Variants in NRIP3 observed in about 807,000 individuals in gnomAD.
The protein encoded by NRIP3 is nuclear receptor interacting protein 3.
NRIP3 carries 31 observed loss-of-function variants against 29.0 expected under a neutral mutation model. That is an observed-to-expected ratio of 1.07 (90% CI 0.80 to 1.44). The LOEUF is 1.44. Ranked by LOEUF, NRIP3 falls within the 40% of genes most tolerant of loss-of-function variation. NRIP3 has a pLI of 0.00. For synonymous variants in NRIP3, 131 were observed against 118.3 expected (o/e 1.11, Z -0.70); for missense variants, 314 against 297.9 (o/e 1.05, Z -0.40).
At chr11:8,996,390 TCTCAC>T (rs1174373378) in intron 1 of NRIP3, among the ~76,000 whole-genome samples, 1 of 148,750 alleles carries the variant, frequency 6.7e-6, no homozygotes, top group Non-Finnish European at 1.5e-5. Context: ...CAAGCAATTC[TCTCAC>T]CTCAGCCTCT....
chr11:8,993,301 T>C (rs543809222), intron 1 of NRIP3, among the ~76,000 whole-genome samples: 1 of 152,338 alleles, frequency 6.6e-6, no homozygotes, highest in African/African-American at 2.4e-5. Context: ...AAACTTTTTT[T>C]AAACACCAAG....
At chr11:9,004,382 A>G (rs1208890645), upstream of NRIP3, 1 of 153,718 alleles carries the variant, frequency 6.5e-6, no homozygotes, top group Admixed American at 6.5e-5. Context: ...GGGATCACCG[A>G]CAGCCGGGCC....
At chr11:9,002,596 T>TAAAAAAAAAAAAAAAAAAAAAAA (rs10701323) in intron 1 of NRIP3, among the ~76,000 whole-genome samples, 1 of 101,244 alleles carries the variant, frequency 9.9e-6, no homozygotes, top group Non-Finnish European at 1.8e-5. Flanking sequence ...GCTGTTAAAT[T>TAAAAAAAAAAAAAAAAAAAAAAA]AAAAAAAAAA....
chr11:8,997,864 T>G (rs1316134953), intron 1 of NRIP3, among the ~76,000 whole-genome samples: 1 of 152,190 alleles, frequency 6.6e-6, no homozygotes, highest in Non-Finnish European at 1.5e-5. Flanking sequence ...AACTAATGGA[T>G]TTCTGTGGTC....
chr11:8,993,808 C>CA lies in NRIP3; in HGVS notation c.175-5527dup, dbSNP rs35171191. Among the ~76,000 whole-genome samples the CA allele has an allele frequency of 2.7e-3, 250 of 92,200 alleles. 2 individuals carry two copies. Among genetic ancestry groups the CA allele is most frequent in the Middle Eastern group, 5.3e-3 (1 of 190 alleles). The allele number at this position is 92,200 out of a possible 152,430, so 60.5% of individuals were successfully genotyped here. On this transcript the variant is annotated intron_variant, in intron 1 of 6. Transcript: ENST00000309166. ...TGGGCAACAAAGCGAGACCCTGCCT[C>CA]AAAAAAAAAAAAAAAAAAAAAGTAA...
chr11:8,988,217 G>A lies in NRIP3; in HGVS notation c.240C>T (p.Pro80=). 6.2e-7 allele frequency: 1 copy of A among 1,614,168 alleles called. No individual in the cohort carries two copies. The highest frequency in any genetic ancestry group is 8.5e-7 in the Non-Finnish European group (1 of 1,180,014). The change falls in exon 2 of 7, where the codon CCC becomes CCT. Residue 80 remains proline (P), a synonymous_variant. Transcript: ENST00000309166. Reference sequence around the variant, plus strand: ...TCGTCTTAGAGGCCCAAGGGACACGGGGACCGCTTCGGAGCTTAGACAGGT... The same window carrying A: ...TCGTCTTAGAGGCCCAAGGGACACGAGGACCGCTTCGGAGCTTAGACAGGT... The part of the protein sequence containing the change: ...ETNLSKLRSG[P]RVPWASKTNK...
At chr11:9,002,913 T>C (rs10769981) in intron 1 of NRIP3, among the ~76,000 whole-genome samples, 50,656 of 152,110 alleles carry the variant, frequency 0.33, 10,248 homozygotes, top group Non-Finnish European at 0.43. Context: ...CTACAGTGGC[T>C]GAGGGATGAC....
intron 6 of NRIP3, 105 bp downstream of exon 6, chr11:8,983,770 C>T (rs1854460468): frequency 1.9e-6 from 2 of 1,049,794 alleles, no homozygotes; most frequent in South Asian, 2.6e-5. Context: ...TAATTGAAAG[C>T]CAAAGACAGG....
chr11:8,987,423 G>A, intron 3 of NRIP3, 125 bp downstream of exon 3: 2 of 752,970 alleles, frequency 2.7e-6, no homozygotes, highest in Non-Finnish European at 4.8e-6. Context: ...TTCCAGCTGA[G>A]ATCTGAACTC....
At chr11:8,985,672 C>T in intron 4 of NRIP3, 39 bp downstream of exon 4, 1 of 1,601,394 alleles carries the variant, frequency 6.2e-7, no homozygotes, top group Non-Finnish European at 8.5e-7. Context: ...GAGAGGGTTT[C>T]CGTTAGGGTC....
intron 1 of NRIP3, among the ~76,000 whole-genome samples, chr11:8,994,370 T>G (rs1479429226): frequency 6.6e-6 from 1 of 152,212 alleles, no homozygotes; most frequent in Non-Finnish European, 1.5e-5. Context: ...AGAATTTAGC[T>G]TTTATAATCT....
intron 1 of NRIP3, among the ~76,000 whole-genome samples, chr11:8,993,327 G>A (rs1263981873): frequency 6.6e-6 from 1 of 152,104 alleles, no homozygotes; most frequent in Non-Finnish European, 1.5e-5. Flanking sequence ...TATTAATTTT[G>A]AGAAAAATGT....
At position 8,984,144 on chromosome 11, in the gene NRIP3, GA is replaced by G; in HGVS notation, c.563-21del. On this transcript the variant is annotated intron_variant, in intron 4 of 6. Coordinates refer to ENST00000309166, the MANE Select transcript of NRIP3 (RefSeq NM_020645.3). ...TGTCATCTAATAAAAACAAAAAAAT[GA>G]TTAAGATTTAGCCATTTCCATGCTT... The G allele has an allele frequency of 1.3e-6, 2 of 1,580,084 alleles. No individual in the cohort carries two copies. The highest frequency in any genetic ancestry group is 2.7e-5 in the African/African-American group (2 of 74,340).
At chr11:9,003,227 C>T (rs1163094936) in intron 1 of NRIP3, among the ~76,000 whole-genome samples, 1 of 152,118 alleles carries the variant, frequency 6.6e-6, no homozygotes, top group African/African-American at 2.4e-5. Context: ...TTTCTCTCTC[C>T]CCACTCAGGA....
chr11:8,983,763 T>C (rs1566134677), intron 6 of NRIP3, 112 bp downstream of exon 6: 4 of 1,015,222 alleles, frequency 3.9e-6, no homozygotes, highest in Admixed American at 3.6e-5. Context: ...TGTAGTATAA[T>C]TGAAAGCCAA....
intron 1 of NRIP3, among the ~76,000 whole-genome samples, chr11:8,990,094 T>C (rs940234951): frequency 6.6e-6 from 1 of 152,240 alleles, no homozygotes; most frequent in Non-Finnish European, 1.5e-5. Context: ...TGTATTTTCC[T>C]CTTTCTACTG....
intron 1 of NRIP3, among the ~76,000 whole-genome samples, chr11:8,988,940 A>G (rs535593942): frequency 4.6e-5 from 7 of 152,330 alleles, no homozygotes; most frequent in African/African-American, 1.7e-4. Flanking sequence ...ACACACAAGA[A>G]TCATCGATGC....
chr11:8,985,601 C>A lies in NRIP3; in HGVS notation c.562+110G>T, dbSNP rs1421392912. 1.6e-5 allele frequency: 22 copies of A among 1,394,768 alleles called. No individual in the cohort carries two copies. In the Admixed American group the frequency reaches 1.7e-4, roughly 11 times the overall value. The allele number at this position is 1,394,768 out of a possible 1,614,324, so 86.4% of individuals were successfully genotyped here. A position where few individuals can be genotyped will look rare whatever the true frequency, so the allele number is the denominator to read the frequency against. ...GGTCTACAGTACAAAAAAATGGGAA[C>A]CATTTTGAAAAAGTCAATATTTACA... is the stretch of plus-strand genomic sequence containing the variant. On this transcript the variant is annotated intron_variant, in intron 4 of 6. Coordinates refer to ENST00000309166, the MANE Select transcript of NRIP3 (RefSeq NM_020645.3).
At chr11:8,995,318 ATC>A (rs1197430406) in intron 1 of NRIP3, among the ~76,000 whole-genome samples, 1 of 152,210 alleles carries the variant, frequency 6.6e-6, no homozygotes, top group Non-Finnish European at 1.5e-5. Context: ...GCTTGGGCAA[ATC>A]ACTAACCTCT....
Sources: allele counts gnomAD v4.1 joint callset (sites outside exome capture counted in the v4.1 genomes callset), GRCh38; gene constraint gnomAD v4.1.1; transcripts MANE v1.5; gene names NCBI Gene and HGNC (gene_info 2026-07-23, HGNC 2026-07-21).